The following PRELID2 variants were observed in gnomAD, a reference collection of about 807,000 sequenced individuals.
PRELID2 encodes the protein PRELI domain-containing protein 2.
Under a neutral mutation model 28.4 loss-of-function variants are expected in PRELID2, and 25 were observed. That is an observed-to-expected ratio of 0.88 (90% CI 0.64 to 1.23). PRELID2 has a LOEUF of 1.23. PRELID2 is among the 50% of genes most tolerant of loss of function. The pLI is 0.00. For synonymous variants in PRELID2, 76 were observed against 71.6 expected, an observed-to-expected ratio of 1.06 and a Z score of -0.31; for missense variants, 201 against 214.4, an observed-to-expected ratio of 0.94 and a Z score of 0.39.
intron 1 of PRELID2, among the ~76,000 whole-genome samples, chr5:145,499,769 C>T (rs909543757): frequency 7.2e-5 from 11 of 152,140 alleles, no homozygotes; most frequent in Non-Finnish European, 1.3e-4. Flanking sequence ...CCCCTGACCC[C>T]GAAATGAAAG....
At chr5:145,463,630 C>T in the PRELID2 span, among the ~76,000 whole-genome samples, 1 of 152,132 alleles carries the variant, frequency 6.6e-6, no homozygotes. Flanking sequence ...AAATCACTGT[C>T]TACTGGTGAC....
the PRELID2 span, among the ~76,000 whole-genome samples, chr5:145,371,294 AC>A: frequency 6.6e-6 from 1 of 152,070 alleles, no homozygotes; most frequent in African/African-American, 2.4e-5. Context: ...TTCCATTAAT[AC>A]CTAGTTTATT....
intron 5 of PRELID2, among the ~76,000 whole-genome samples, chr5:145,773,323 C>A (rs568875060): frequency 8.5e-5 from 13 of 152,320 alleles, no homozygotes; most frequent in Admixed American, 7.2e-4. Flanking sequence ...TAAACCCTAA[C>A]CTAACATGAA....
chr5:145,676,208 G>C lies in PRELID2; in HGVS notation n.70+88723C>G, dbSNP rs10476875. ...GCACTCCACCCTGGGCAACAAGAGC[G>C]AAACTCCATCTCAAAAAAAAAAAAA... On this transcript the variant is annotated intron_variant and non_coding_transcript_variant, in intron 1 of 2. Coordinates refer to the PRELID2 transcript ENST00000510259. Among the ~76,000 whole-genome samples, 3 of 107,014 alleles carry C rather than the reference G, an allele frequency of 2.8e-5. No homozygotes were observed. In the East Asian group the frequency reaches 8.5e-4, roughly 30 times the overall value. The allele number at this position is 107,014 out of a possible 152,430, so 70.2% of individuals were successfully genotyped here.
chr5:145,485,288 G>C (rs1478278274), intron 1 of PRELID2, among the ~76,000 whole-genome samples: 3 of 152,170 alleles, frequency 2.0e-5, no homozygotes, highest in East Asian at 3.9e-4. Flanking sequence ...CAGTGCAAGT[G>C]GCAACTGCCA....
At chr5:145,553,587 C>G (rs767913532) in intron 1 of PRELID2, among the ~76,000 whole-genome samples, 5 of 152,156 alleles carry the variant, frequency 3.3e-5, no homozygotes, top group Non-Finnish European at 7.4e-5. Flanking sequence ...TCAAAAAATG[C>G]TATTACTCGG....
At chr5:145,285,376 C>T in the PRELID2 span, among the ~76,000 whole-genome samples, 1 of 152,118 alleles carries the variant, frequency 6.6e-6, no homozygotes, top group Non-Finnish European at 1.5e-5. Context: ...CTCCAGAGTT[C>T]TCCATCCCCG....
intron 5 of PRELID2, among the ~76,000 whole-genome samples, chr5:145,785,341 T>G (rs1180396118): frequency 6.6e-6 from 1 of 152,218 alleles, no homozygotes; most frequent in East Asian, 1.9e-4. Context: ...AGACAAAACT[T>G]TGTTTCACAC....
chr5:145,362,930 C>T, the PRELID2 span, among the ~76,000 whole-genome samples: 1 of 151,792 alleles, frequency 6.6e-6, no homozygotes, highest in Non-Finnish European at 1.5e-5. Context: ...GTTTTGACAC[C>T]ACACCATGGG....
the PRELID2 span, chr5:145,229,340 C>A: frequency 1.3e-6 from 1 of 742,782 alleles, no homozygotes. Context: ...CCTGGTCACT[C>A]CCAAGAACCT....
At position 145,575,720 on chromosome 5, in the gene PRELID2, T is replaced by A. The variant is rs147151690; in HGVS notation, n.71-102405A>T. Among the ~76,000 whole-genome samples the A allele has an allele frequency of 2.0e-5, 3 of 152,306 alleles. No individual in the cohort carries two copies. The East Asian group carries it at 5.8e-4, about 29-fold the overall frequency. On this transcript the variant is annotated intron_variant and non_coding_transcript_variant, in intron 1 of 2. Coordinates refer to the PRELID2 transcript ENST00000510259. The stretch of plus-strand genomic sequence containing the variant: ...AATCTATAAAAGTAGCCCTTCATTA[T>A]TGGTCCCTGACTATAACTGTTGCTA...
At chr5:145,484,669 AT>A (rs2126620571) in intron 1 of PRELID2, among the ~76,000 whole-genome samples, 2 of 152,308 alleles carry the variant, frequency 1.3e-5, no homozygotes, top group South Asian at 4.1e-4. Flanking sequence ...CTGTCACATA[AT>A]GGTACTCAAC....
intron 1 of PRELID2, among the ~76,000 whole-genome samples, chr5:145,629,869 T>C (rs555203076): frequency 6.6e-6 from 1 of 152,184 alleles, no homozygotes; most frequent in Admixed American, 6.5e-5. Context: ...CTATGAACTA[T>C]AGGTATTGTC....
the PRELID2 span, among the ~76,000 whole-genome samples, chr5:145,431,019 T>TG: frequency 2.1e-4 from 31 of 145,524 alleles, no homozygotes; most frequent in Non-Finnish European, 4.6e-4. Context: ...TTTTTTTTTT[T>TG]TTTTTTTTTT....
At chr5:145,741,458 A>T (rs1272770151) in intron 1 of PRELID2, among the ~76,000 whole-genome samples, 1 of 53,842 alleles carries the variant, frequency 1.9e-5, no homozygotes, top group African/African-American at 6.2e-5. Flanking sequence ...TAAATAATTT[A>T]TTTATATATA....
At chr5:145,457,061 G>C in the PRELID2 span, among the ~76,000 whole-genome samples, 1 of 152,184 alleles carries the variant, frequency 6.6e-6, no homozygotes, top group Admixed American at 6.5e-5. Flanking sequence ...ATTTTTAAGG[G>C]GATAGAGTGT....
intron 1 of PRELID2, among the ~76,000 whole-genome samples, chr5:145,508,642 C>T (rs998610132): frequency 6.6e-6 from 1 of 152,134 alleles, no homozygotes; most frequent in African/African-American, 2.4e-5. Flanking sequence ...TCATAGGGCA[C>T]CTATCTTCTC....
At chr5:145,481,556 C>T (rs1752159183) in intron 1 of PRELID2, among the ~76,000 whole-genome samples, 2 of 142,150 alleles carry the variant, frequency 1.4e-5, no homozygotes, top group Admixed American at 7.4e-5. Context: ...AGCTGTCCCT[C>T]AACCTGTTAA....
At chr5:145,524,589 G>T (rs1486986364) in intron 1 of PRELID2, among the ~76,000 whole-genome samples, 2 of 152,238 alleles carry the variant, frequency 1.3e-5, no homozygotes, top group African/African-American at 4.8e-5. Context: ...CTGTAAGTTT[G>T]TCCCTTGCTA....
Sources: gnomAD v4.1 joint callset for allele counts (sites outside exome capture counted in the v4.1 genomes callset) on GRCh38, gnomAD v4.1.1 for gene constraint, MANE v1.5 for transcripts, NCBI Gene and HGNC (gene_info 2026-07-23, HGNC 2026-07-21) for gene names.